MTHFD2L: variants seen among roughly 807,000 people sequenced by gnomAD.
The protein encoded by MTHFD2L is methylenetetrahydrofolate dehydrogenase (NADP+ dependent) 2 like.
MTHFD2L carries 29 observed loss-of-function variants against 34.9 expected under a neutral mutation model. The observed-to-expected ratio is 0.83, with a 90% CI of 0.62 to 1.13. MTHFD2L has a LOEUF of 1.13. Ranked by LOEUF, MTHFD2L falls within the 50% of genes most tolerant of loss-of-function variation. The pLI is 0.00. For missense variants in MTHFD2L, 481 were observed against 446.5 expected (o/e 1.08, Z -0.70); for synonymous variants, 167 against 155.7 (o/e 1.07, Z -0.54).
chr4:74,284,815 A>G (rs571743128), intron 7 of MTHFD2L, among the ~76,000 whole-genome samples: 1 of 152,086 alleles, frequency 6.6e-6, no homozygotes, highest in Non-Finnish European at 1.5e-5. Context: ...AGAAATACCA[A>G]TTGACCCAGC....
rs569207819 is a variant in MTHFD2L at position 74,241,511 on chromosome 4, A to T, written c.805+16117A>T. The T allele has an allele frequency of 3.7e-5, 13 of 353,846 alleles. No individual in the cohort carries two copies. The East Asian group carries it at 3.8e-4, about 10-fold the overall frequency. The allele number at this position is 353,846 out of a possible 1,614,324, so 21.9% of individuals were successfully genotyped here. ...TGGGCCCAAGTGATCCTCCCACCTC[A>T]GCCTCCTAAGTAGGTGCACACCACC... is the stretch of plus-strand genomic sequence containing the variant. On this transcript the variant is annotated intron_variant, in intron 6 of 7. Transcript: ENST00000325278.
upstream of MTHFD2L, among the ~76,000 whole-genome samples, chr4:74,120,238 T>A (rs1721730165): frequency 6.6e-6 from 1 of 152,176 alleles, no homozygotes; most frequent in South Asian, 2.1e-4. Flanking sequence ...AATGATTAGA[T>A]GAAATAGCAG....
At position 74,302,427 on chromosome 4, in the gene MTHFD2L, A is replaced by T. The variant is rs1374195341; in HGVS notation, c.*618A>T. 1 of 152,126 alleles carries T rather than the reference A, an allele frequency of 6.6e-6. No homozygotes were observed. Among genetic ancestry groups the T allele is most frequent in the African/African-American group, 2.4e-5 (1 of 41,452 alleles). 9.4% of individuals were successfully genotyped at this position (152,126 alleles called of 1,614,324 possible). A position where few individuals can be genotyped will look rare whatever the true frequency, so the allele number is the denominator to read the frequency against. On this transcript the variant is annotated 3_prime_UTR_variant, in exon 8 of 8. Transcript: ENST00000325278. ...AATATTCCGGGAAGGCAAAAAATGC[A>T]GTGCTGTTTGGAAGTGTAATGATTT...
intron 3 of MTHFD2L, among the ~76,000 whole-genome samples, chr4:74,188,830 A>G (rs1731912697): frequency 6.6e-6 from 1 of 150,576 alleles, no homozygotes; most frequent in South Asian, 2.1e-4. Context: ...ATATATGGGT[A>G]TATATATATC....
chr4:74,287,838 C>T (rs1374529336), intron 7 of MTHFD2L, among the ~76,000 whole-genome samples: 3 of 152,176 alleles, frequency 2.0e-5, no homozygotes, highest in African/African-American at 7.2e-5. Flanking sequence ...TTCAGGGATA[C>T]TGTTTTCTCC....
At chr4:74,199,486 A>T (rs532082328) in intron 3 of MTHFD2L, among the ~76,000 whole-genome samples, 1 of 152,260 alleles carries the variant, frequency 6.6e-6, no homozygotes, top group South Asian at 2.1e-4. Context: ...TGAAACAAAG[A>T]CATGACACCT....
upstream of MTHFD2L, chr4:74,158,070 G>C (rs769543428): frequency 3.9e-6 from 6 of 1,531,308 alleles, no homozygotes; most frequent in Admixed American, 7.9e-5. Flanking sequence ...GGCGGAGCCA[G>C]GCCTCCAGCC....
intron 6 of MTHFD2L, among the ~76,000 whole-genome samples, chr4:74,247,486 A>G (rs963332388): frequency 2.0e-5 from 3 of 151,896 alleles, no homozygotes; most frequent in African/African-American, 4.8e-5. Flanking sequence ...TCTCCTGCCT[A>G]ATTGCCCTGG....
intron 1 of MTHFD2L, among the ~76,000 whole-genome samples, chr4:74,152,673 C>T (rs1266576441): frequency 6.6e-6 from 1 of 152,080 alleles, no homozygotes; most frequent in Non-Finnish European, 1.5e-5. Context: ...TCTCCCTTCC[C>T]TTGTCTCCAC....
intron 1 of MTHFD2L, among the ~76,000 whole-genome samples, chr4:74,137,347 A>G (rs1172837818): frequency 6.6e-6 from 1 of 152,212 alleles, no homozygotes; most frequent in Non-Finnish European, 1.5e-5. Context: ...ACAAATGACT[A>G]ACAGCTATAT....
At chr4:74,150,543 C>T (rs1291732307) in intron 1 of MTHFD2L, among the ~76,000 whole-genome samples, 1 of 152,172 alleles carries the variant, frequency 6.6e-6, no homozygotes, top group Non-Finnish European at 1.5e-5. Flanking sequence ...CGTAAGCCAC[C>T]GTGCCTGGCC....
chr4:74,252,127 C>T (rs1039273490), intron 6 of MTHFD2L, among the ~76,000 whole-genome samples: 1 of 152,224 alleles, frequency 6.6e-6, no homozygotes, highest in African/African-American at 2.4e-5. Flanking sequence ...CTACTCTTGG[C>T]TACTTGGAAT....
At chr4:74,248,116 CT>C (rs1280226004) in intron 6 of MTHFD2L, among the ~76,000 whole-genome samples, 2 of 151,034 alleles carry the variant, frequency 1.3e-5, no homozygotes, top group Admixed American at 6.6e-5. Context: ...GTCCTGGACT[CT>C]TTTTGGTTGG....
intron 4 of MTHFD2L, 77 bp from the exon 5 acceptor site, chr4:74,201,186 G>A (rs1231833316): frequency 1.0e-6 from 1 of 1,004,868 alleles, no homozygotes; most frequent in Non-Finnish European, 1.5e-6. Context: ...TTAAAAGAAT[G>A]TTTCAGTTGG....
chr4:74,289,844 A>G lies in MTHFD2L; in HGVS notation c.931+8294A>G, dbSNP rs1458574580. 3.9e-5 allele frequency among the ~76,000 whole-genome samples: 6 copies of G among 152,158 alleles called. No homozygotes were observed. In the East Asian group the frequency reaches 1.2e-3, roughly 29 times the overall value. On this transcript the variant is annotated intron_variant, in intron 7 of 7. Coordinates refer to ENST00000325278, the MANE Select transcript of MTHFD2L (RefSeq NM_001144978.3). ...TGGAATAAGCAAGAGTGGAGGTGCC[A>G]GTTCTGGAATCCTCTTGAGATGAAT...
Position 74,301,678 on chromosome 4 carries a change from TG to T in MTHFD2L, c.932-18del, listed in dbSNP as rs775620107. Reference sequence around the variant, plus strand: ...TATTTTAAAATAAAGAATATCTGTTTGTTTTTTTTCCTCATCAGCTGTTAAA... The same window carrying T: ...TATTTTAAAATAAAGAATATCTGTTTTTTTTTTTCCTCATCAGCTGTTAAA... On this transcript the variant is annotated intron_variant, in intron 7 of 7. Transcript: ENST00000325278. The T allele has an allele frequency of 3.5e-6, 5 of 1,427,890 alleles. No homozygotes were observed. The highest frequency in any genetic ancestry group is 2.3e-5 in the East Asian group (1 of 42,880). 88.5% of individuals were successfully genotyped at this position (1,427,890 alleles called of 1,614,324 possible).
At chr4:74,221,822 G>A (rs1738245696) in intron 5 of MTHFD2L, among the ~76,000 whole-genome samples, 1 of 144,318 alleles carries the variant, frequency 6.9e-6, no homozygotes. Flanking sequence ...TTTTTTCTTT[G>A]TGCATTAAAA....
intron 1 of MTHFD2L, among the ~76,000 whole-genome samples, chr4:74,130,626 T>C (rs1227715526): frequency 6.6e-6 from 1 of 152,110 alleles, no homozygotes; most frequent in Non-Finnish European, 1.5e-5. Context: ...CCACAGCCAA[T>C]ATCATACTGA....
chr4:74,141,145 T>C (rs978109089), intron 1 of MTHFD2L, among the ~76,000 whole-genome samples: 1 of 152,220 alleles, frequency 6.6e-6, no homozygotes, highest in Non-Finnish European at 1.5e-5. Flanking sequence ...ACAAATTTTC[T>C]CATCTTATTA....
Sources: gnomAD v4.1 joint callset for allele counts (sites outside exome capture counted in the v4.1 genomes callset) on GRCh38, gnomAD v4.1.1 for gene constraint, MANE v1.5 for transcripts, NCBI Gene and HGNC (gene_info 2026-07-23, HGNC 2026-07-21) for gene names.